Variants in SPATA31A1 observed in about 807,000 individuals in gnomAD.
SPATA31A1 encodes SPATA31 subfamily A member 1, also known as spermatogenesis-associated protein 31A1.
For missense variants in SPATA31A1, 579 were observed against 1,476.3 expected (o/e 0.39, Z 9.96); for synonymous variants, 194 against 573.4 (o/e 0.34, Z 9.45).
Position 39,359,167 on chromosome 9 carries a change from C to G in SPATA31A1, c.1402C>G (p.Gln468Glu). The change falls in exon 4 of 4, where the codon CAG (glutamine) becomes GAG (glutamate). Residue 468 changes from glutamine to glutamate, a missense_variant. By Grantham distance (29) the Gln-to-Glu change is conservative (BLOSUM62 2). Coordinates refer to ENST00000377647, the MANE Select transcript of SPATA31A1 (RefSeq NM_001085452.4). ...RETTMSPLLF[Q>E]AQPPSHLGPE... ...GACTACAATGTCCCCACTGCTTTTC[C>G]AGGCCCAGCCCCCGTCCCATCTGGG... The G allele has an allele frequency of 6.2e-7, 1 of 1,611,838 alleles. No homozygotes were observed. The highest frequency in any genetic ancestry group is 8.5e-7 in the Non-Finnish European group (1 of 1,179,858).
Position 39,361,024 on chromosome 9 carries a change from G to A in SPATA31A1, c.3259G>A (p.Glu1087Lys). The change falls in exon 4 of 4, where the codon GAG becomes AAG. Residue 1087 changes from glutamate to lysine, a missense_variant. Coordinates refer to ENST00000377647, the MANE Select transcript of SPATA31A1 (RefSeq NM_001085452.4). ...AARRSKLVHE[E>K]PRNPNCQGSC... ...CAGAAGGAGCAAACTGGTGCACGAG[G>A]AGCCCAGAAACCCAAACTGTCAAGG... 1.2e-6 allele frequency: 2 copies of A among 1,611,020 alleles called. No homozygotes were observed. Among genetic ancestry groups the A allele is most frequent in the East Asian group, 2.2e-5 (1 of 44,856 alleles).
intron 3 of SPATA31A1, 30 bp from the exon 4 acceptor site, chr9:39,358,044 G>A (rs1587772810): frequency 1.8e-6 from 1 of 553,550 alleles, no homozygotes. Context: ...CCGGCTCCTG[G>A]CTGCAGCTCG....
In SPATA31A1 at chr9:39,361,846, G is replaced by C. The variant is rs1434495732; in HGVS notation, c.*37G>C. The C allele has an allele frequency of 1.2e-6, 2 of 1,607,064 alleles. No homozygotes were observed. Among genetic ancestry groups the C allele is most frequent in the East Asian group, 2.2e-5 (1 of 44,856 alleles). ...ACAAATTCTTTTTTAGCCTTCCCTG[G>C]AGAAAAAGAAGTCCCCAAGAAAAAA... On this transcript the variant is annotated 3_prime_UTR_variant, in exon 4 of 4. Coordinates refer to ENST00000377647, the MANE Select transcript of SPATA31A1 (RefSeq NM_001085452.4).
Position 39,361,458 on chromosome 9 carries a change from G to C in SPATA31A1, c.3693G>C (p.Lys1231Asn). 6.2e-7 allele frequency: 1 copy of C among 1,613,074 alleles called. No individual in the cohort carries two copies. The highest frequency in any genetic ancestry group is 8.5e-7 in the Non-Finnish European group (1 of 1,179,512). ...MSLCHARHAS[K>N]VNQHKQKFQA... ...TTTGCCATGCGCGCCATGCCTCGAA[G>C]GTAAATCAGCACAAACAGAAGTTTC... is the stretch of plus-strand genomic sequence containing the variant. The change falls in exon 4 of 4, where the codon AAG (lysine) becomes AAC (asparagine). Residue 1231 changes from lysine (K) to asparagine (N), a missense_variant. Physicochemically the swap from Lys to Asn is moderately conservative, Grantham distance 94. Transcript: ENST00000377647.
chr9:39,357,614 G>A (rs1468538892), intron 2 of SPATA31A1, 144 bp from the exon 3 acceptor site: 54 of 1,520,732 alleles, frequency 3.6e-5, no homozygotes, highest in South Asian at 1.4e-4. Flanking sequence ...TGCTATTAAC[G>A]TCGGGGTCAT....
At position 39,361,081 on chromosome 9, in the gene SPATA31A1, C is replaced by G. The variant is rs768706860; in HGVS notation, c.3316C>G (p.Pro1106Ala). ...SCKNQRPMFP[P>A]IHKSEKSRKP... is the part of the protein sequence containing the mutation. ...CAAGAACCAAAGGCCAATGTTTCCC[C>G]CTATTCACAAGAGTGAGAAGTCTAG... The change falls in exon 4 of 4, where the codon CCT becomes GCT. Residue 1106 changes from proline to alanine, a missense_variant. Transcript: ENST00000377647. 1 of 1,611,172 alleles carries G rather than the reference C, an allele frequency of 6.2e-7. No individual in the cohort carries two copies. The highest frequency in any genetic ancestry group is 2.2e-5 in the East Asian group (1 of 44,862).
Position 39,358,689 on chromosome 9 carries a change from G to A in SPATA31A1, c.924G>A (p.Glu308=), listed in dbSNP as rs1823388906. The A allele has an allele frequency of 1.9e-6, 3 of 1,608,842 alleles. No individual in the cohort carries two copies. The highest frequency in any genetic ancestry group is 1.7e-6 in the Non-Finnish European group (2 of 1,179,820). ...ATCATCTTTCCCGCCACCCACCAGA[G>A]ACCTACCAGATGGAAGCTGGTAGCC... ...QQDHLSRHPP[E]TYQMEAGSLF... Residue 308 remains glutamate (E), a synonymous_variant, in exon 4 of 4, where the codon GAG becomes GAA. Transcript: ENST00000377647.
At position 39,360,800 on chromosome 9, in the gene SPATA31A1, A is replaced by G. The variant is rs1304254879; in HGVS notation, c.3035A>G (p.Glu1012Gly). ...KLCLMEEVVN[E>G]FEPGMATKSE... ...TGTCTTATGGAGGAGGTTGTTAATG[A>G]ATTTGAGCCTGGAATGGCCACAAAG... The change falls in exon 4 of 4, where the codon GAA becomes GGA. Residue 1012 changes from glutamate to glycine, a missense_variant. By Grantham distance (98) the Glu-to-Gly change is moderately conservative. Coordinates refer to ENST00000377647, the MANE Select transcript of SPATA31A1 (RefSeq NM_001085452.4). 9 of 1,608,822 alleles carry G rather than the reference A, an allele frequency of 5.6e-6. No homozygotes were observed. Among genetic ancestry groups the G allele is most frequent in the Non-Finnish European group, 7.6e-6 (9 of 1,179,466 alleles).
In SPATA31A1 at chr9:39,359,158, C is replaced by T; in HGVS notation, c.1393C>T (p.Leu465=). ...PIQRETTMSP[L]LFQAQPPSHL... ...TCAAAGGGAGACTACAATGTCCCCA[C>T]TGCTTTTCCAGGCCCAGCCCCCGTC... Residue 465 remains leucine, a synonymous_variant, in exon 4 of 4, where the codon CTG becomes TTG. Transcript: ENST00000377647. 6.2e-7 allele frequency: 1 copy of T among 1,611,800 alleles called. No homozygotes were observed. Among genetic ancestry groups the T allele is most frequent in the Non-Finnish European group, 8.5e-7 (1 of 1,179,862 alleles).
intron 1 of SPATA31A1, among the ~76,000 whole-genome samples, chr9:39,356,482 CTGTGTGTGTGTGTGTG>C (rs201386587): frequency 2.4e-5 from 3 of 123,948 alleles, no homozygotes; most frequent in African/African-American, 9.2e-5. Context: ...GAAAATCCCT[CTGTGTGTGTGTGTGTG>C]TGTGTGTGTG....
In SPATA31A1 at chr9:39,355,721, G is replaced by A. The variant is rs1351713899; in HGVS notation, c.-10G>A. On this transcript the variant is annotated 5_prime_UTR_variant, in exon 1 of 4. Transcript: ENST00000377647. Reference sequence around the variant, plus strand: ...GAGCTCAGTTGCTTGAAAGCAACGCGCCTATTCACATGGAGAATCTTCCCT... The same window carrying A: ...GAGCTCAGTTGCTTGAAAGCAACGCACCTATTCACATGGAGAATCTTCCCT... The A allele has an allele frequency of 1.3e-4, 69 of 512,358 alleles. No homozygotes were observed. Among genetic ancestry groups the A allele is most frequent in the Middle Eastern group, 5.3e-4 (1 of 1,898 alleles). The allele number at this position is 512,358 out of a possible 1,614,324, so 31.7% of individuals were successfully genotyped here.
At chr9:39,357,557 G>A (rs74322602) in intron 2 of SPATA31A1, 22,753 of 724,492 alleles carry the variant, frequency 0.031, 480 homozygotes, top group Middle Eastern at 0.05. Context: ...TGGGGGGTCC[G>A]TGTGTGGAAG....
chr9:39,356,588 T>G (rs1823334008), intron 1 of SPATA31A1, among the ~76,000 whole-genome samples: 9 of 45,478 alleles, frequency 2.0e-4, no homozygotes, highest in Non-Finnish European at 2.0e-4. Flanking sequence ...TATTTTATTT[T>G]ATTTTATTTT....
intron 2 of SPATA31A1, 112 bp from the exon 3 acceptor site, chr9:39,357,646 T>A: frequency 2.5e-6 from 4 of 1,598,288 alleles, no homozygotes; most frequent in Non-Finnish European, 2.6e-6. Flanking sequence ...CACAGATGGG[T>A]GGGGCCCAGG....
Position 39,358,763 on chromosome 9 carries a change from C to T in SPATA31A1, c.998C>T (p.Thr333Ile). ...CAGAATGCCGTGGGGATACAAGTCA[C>T]AGAAACAGCCAAGGTCAACATTTGG... ...DGQNAVGIQV[T>I]ETAKVNIWEE... is the part of the protein sequence containing the mutation. Residue 333 changes from threonine to isoleucine, a missense_variant, in exon 4 of 4, where the codon ACA becomes ATA. Physicochemically the swap from Thr to Ile is moderately conservative, Grantham distance 89. Coordinates refer to ENST00000377647, the MANE Select transcript of SPATA31A1 (RefSeq NM_001085452.4). The T allele has an allele frequency of 6.2e-7, 1 of 1,601,780 alleles. No homozygotes were observed. The highest frequency in any genetic ancestry group is 8.5e-7 in the Non-Finnish European group (1 of 1,179,776).
Position 39,359,028 on chromosome 9 carries a change from TCTGCACAG to T in SPATA31A1, c.1265_1272del (p.Leu422ArgfsTer6), listed in dbSNP as rs1183623824. On this transcript the variant is annotated frameshift_variant, in exon 4 of 4. Coordinates refer to ENST00000377647, the MANE Select transcript of SPATA31A1 (RefSeq NM_001085452.4). LOFTEE classifies it low-confidence loss of function (END_TRUNC). ...GCCAGCTTTTCTGGGGCCTCCCCTC[TCTGCACAG>T]CGAGTCCCTGGTGGCTAACGCCTGG... 2 of 1,597,714 alleles carry T rather than the reference TCTGCACAG, an allele frequency of 1.3e-6. No individual in the cohort carries two copies. The highest frequency in any genetic ancestry group is 4.5e-5 in the East Asian group (2 of 44,674).
Position 39,355,817 on chromosome 9 carries a change from C to T in SPATA31A1, c.87C>T (p.Phe29=). 2.7e-6 allele frequency: 1 copy of T among 375,492 alleles called. No homozygotes were observed. Among genetic ancestry groups the T allele is most frequent in the Non-Finnish European group, 4.1e-6 (1 of 246,680 alleles). 23.3% of individuals were successfully genotyped at this position (375,492 alleles called of 1,614,324 possible). A position where few individuals can be genotyped will look rare whatever the true frequency, so the allele number is the denominator to read the frequency against. The change falls in exon 1 of 4, where the codon TTC becomes TTT. Residue 29 remains phenylalanine (F), a synonymous_variant. Transcript: ENST00000377647. ...PSSTPWVLDI[F]LTLVFALGFF... is the part of the protein sequence containing the mutation. ...CCACACCATGGGTGTTGGATATCTT[C>T]CTCACTTTGGTGTTTGCCCTGGGGT...
chr9:39,361,886 A>T lies in SPATA31A1; in HGVS notation c.*77A>T. The T allele has an allele frequency of 1.3e-6, 2 of 1,587,454 alleles. No individual in the cohort carries two copies. Among genetic ancestry groups the T allele is most frequent in the Non-Finnish European group, 1.7e-6 (2 of 1,171,380 alleles). On this transcript the variant is annotated 3_prime_UTR_variant, in exon 4 of 4. Coordinates refer to ENST00000377647, the MANE Select transcript of SPATA31A1 (RefSeq NM_001085452.4). ...CCAAGAAAAAATTCACTCTATGTAG[A>T]GAAAAAATATTTTCTCTCATGTTAG...
In SPATA31A1 at chr9:39,357,786, G is replaced by A. The variant is rs1587772642; in HGVS notation, c.276G>A (p.Gln92=). 2 of 1,585,714 alleles carry A rather than the reference G, an allele frequency of 1.3e-6. No homozygotes were observed. Among genetic ancestry groups the A allele is most frequent in the East Asian group, 2.3e-5 (1 of 44,098 alleles). Residue 92 remains glutamine (Q), a synonymous_variant, in exon 3 of 4, where the codon CAG becomes CAA. Transcript: ENST00000377647. ...RAGRECPRGL[Q]ETSDLLSQLQ... is the part of the protein sequence containing the mutation. ...GTAGAGAGTGCCCGAGAGGCCTGCAGGAGACTTCGGACCTGCTTTCACAAC... is the reference window on the plus strand; with the variant it reads ...GTAGAGAGTGCCCGAGAGGCCTGCAAGAGACTTCGGACCTGCTTTCACAAC...
Sources: gnomAD v4.1 joint callset for allele counts (sites outside exome capture counted in the v4.1 genomes callset) on GRCh38, gnomAD v4.1.1 for gene constraint, MANE v1.5 for transcripts, NCBI Gene and HGNC (gene_info 2026-07-23, HGNC 2026-07-21) for gene names.